RFX3: variants seen among roughly 807,000 people sequenced by gnomAD.
The protein encoded by RFX3 is transcription factor RFX3.
Under a neutral mutation model 98.6 loss-of-function variants are expected in RFX3, and 14 were observed. The observed-to-expected ratio is 0.14, with a 90% confidence interval of 0.09 to 0.22. The LOEUF is 0.22. Among genes scored for constraint, RFX3 ranks in the 10% least tolerant of loss-of-function variants. The pLI is 1.00. For synonymous variants in RFX3, 383 were observed against 328.4 expected (o/e 1.17, Z -1.80); for missense variants, 639 against 926.9 (o/e 0.69, Z 4.03).
At chr9:3,234,419 G>T (rs1354896936) in intron 15 of RFX3, among the ~76,000 whole-genome samples, 1 of 152,144 alleles carries the variant, frequency 6.6e-6, no homozygotes, top group East Asian at 1.9e-4. Context: ...TGTGCGTATT[G>T]CTTAAGCCCA....
intron 1 of RFX3, among the ~76,000 whole-genome samples, chr9:3,429,314 G>A (rs901192610): frequency 4.0e-5 from 6 of 150,708 alleles, no homozygotes; most frequent in East Asian, 1.9e-4. Context: ...GAGCCACCGC[G>A]CCCGGCCAAT....
intron 2 of RFX3, among the ~76,000 whole-genome samples, chr9:3,372,723 G>A (rs201734274): frequency 6.6e-6 from 1 of 151,632 alleles, no homozygotes; most frequent in African/African-American, 2.4e-5. Context: ...GCAGCTGGGA[G>A]TACAGGTGCC....
At chr9:3,258,932 A>G (rs1822500289) in intron 13 of RFX3, among the ~76,000 whole-genome samples, 1 of 151,868 alleles carries the variant, frequency 6.6e-6, no homozygotes, top group African/African-American at 2.4e-5. Flanking sequence ...TGTTTAAAAT[A>G]AAAGAGGATC....
At chr9:3,449,059 C>G (rs936034063) in intron 1 of RFX3, among the ~76,000 whole-genome samples, 5 of 152,210 alleles carry the variant, frequency 3.3e-5, no homozygotes, top group Admixed American at 2.6e-4. Context: ...TGCTATGTGA[C>G]TTGCAGCATG....
chr9:3,498,544 G>T (rs1014898327), intron 1 of RFX3, among the ~76,000 whole-genome samples: 1 of 151,992 alleles, frequency 6.6e-6, no homozygotes, highest in East Asian at 1.9e-4. Flanking sequence ...TTGATAAACT[G>T]TTTAAAAATA....
At chr9:3,469,929 G>A (rs1043449616) in intron 1 of RFX3, among the ~76,000 whole-genome samples, 4 of 151,496 alleles carry the variant, frequency 2.6e-5, no homozygotes, top group Non-Finnish European at 4.4e-5. Flanking sequence ...ACACCTAACC[G>A]ACAACTCCAA....
chr9:3,498,818 A>C (rs543498049), intron 1 of RFX3, among the ~76,000 whole-genome samples: 1 of 152,132 alleles, frequency 6.6e-6, no homozygotes, highest in African/African-American at 2.4e-5. Context: ...CGGCCTGGTC[A>C]CTCTTAGAAA....
chr9:3,393,706 T>C (rs1005964849), intron 2 of RFX3, among the ~76,000 whole-genome samples: 1 of 152,070 alleles, frequency 6.6e-6, no homozygotes, highest in Non-Finnish European at 1.5e-5. Flanking sequence ...ATTGTGAAGA[T>C]TCATTTTTAA....
At chr9:3,233,939 G>A (rs982292588) in intron 15 of RFX3, among the ~76,000 whole-genome samples, 4 of 152,056 alleles carry the variant, frequency 2.6e-5, no homozygotes, top group East Asian at 1.9e-4. Flanking sequence ...GAATCAGTCC[G>A]ACTCTACTAT....
intron 2 of RFX3, among the ~76,000 whole-genome samples, chr9:3,387,805 TTA>T (rs1839883815): frequency 6.6e-6 from 1 of 152,054 alleles, no homozygotes; most frequent in Non-Finnish European, 1.5e-5. Flanking sequence ...TTTCAGCTGA[TTA>T]TATGAAATAA....
At chr9:3,375,374 G>C (rs1316668406) in intron 2 of RFX3, among the ~76,000 whole-genome samples, 1 of 152,120 alleles carries the variant, frequency 6.6e-6, no homozygotes, top group African/African-American at 2.4e-5. Flanking sequence ...TAGCTTATTT[G>C]TCTTATCTAA....
intron 6 of RFX3, among the ~76,000 whole-genome samples, chr9:3,292,164 G>A (rs73381831): frequency 1.4e-3 from 188 of 135,508 alleles, no homozygotes; most frequent in African/African-American, 4.7e-3. Flanking sequence ...ACCTAATGTT[G>A]TATAGTACAG....
chr9:3,473,259 T>TG (rs1848941135), intron 1 of RFX3, among the ~76,000 whole-genome samples: 1 of 152,212 alleles, frequency 6.6e-6, no homozygotes, highest in South Asian at 2.1e-4. Context: ...GTTTTCTACT[T>TG]CAAGTATTAG....
intron 2 of RFX3, among the ~76,000 whole-genome samples, chr9:3,390,248 T>C (rs1411419053): frequency 2.0e-5 from 3 of 152,202 alleles, no homozygotes; most frequent in African/African-American, 7.2e-5. Flanking sequence ...AGTAAATTGG[T>C]ACCAGTAAAG....
chr9:3,306,751 A>C (rs886633809), intron 4 of RFX3, among the ~76,000 whole-genome samples: 6 of 151,998 alleles, frequency 3.9e-5, no homozygotes, highest in African/African-American at 1.5e-4. Context: ...AAAGTATAAT[A>C]ATAATTAAAA....
chr9:3,465,369 C>T (rs1050791507), intron 1 of RFX3, among the ~76,000 whole-genome samples: 2 of 151,992 alleles, frequency 1.3e-5, no homozygotes, highest in Admixed American at 6.6e-5. Context: ...CAGCTCACCA[C>T]AACCTCCACC....
intron 1 of RFX3, among the ~76,000 whole-genome samples, chr9:3,436,789 A>G (rs988194074): frequency 6.6e-6 from 1 of 152,050 alleles, no homozygotes; most frequent in African/African-American, 2.4e-5. Flanking sequence ...GGAAACGATC[A>G]CACCCAACTG....
At chr9:3,523,500 T>A (rs1187405949) in intron 1 of RFX3, among the ~76,000 whole-genome samples, 1 of 152,154 alleles carries the variant, frequency 6.6e-6, no homozygotes, top group African/African-American at 2.4e-5. Context: ...TGCTCTCAAA[T>A]CAACTTGTGA....
At position 3,270,081 on chromosome 9, in the gene RFX3, GGAAA is replaced by G. The variant is rs57222273; in HGVS notation, c.1357+286_1357+289del. The stretch of plus-strand genomic sequence containing the variant: ...AGAAAAAAGAAAGAAAGAGAAAGAA[GGAAA>G]GAAAGAAAGAAAGAAAGAAAGAAAG... On this transcript the variant is annotated intron_variant, in intron 11 of 16. Coordinates refer to ENST00000617270, the MANE Select transcript of RFX3 (RefSeq NM_001282116.2). Among the ~76,000 whole-genome samples the G allele has an allele frequency of 5.9e-3, 807 of 137,860 alleles. 8 individuals carry two copies. Among genetic ancestry groups the G allele is most frequent in the African/African-American group, 0.017 (586 of 33,810 alleles). The allele number at this position is 137,860 out of a possible 152,430, so 90.4% of individuals were successfully genotyped here. A position where few individuals can be genotyped will look rare whatever the true frequency, so the allele number is the denominator to read the frequency against.
Sources: gnomAD v4.1 joint callset for allele counts (sites outside exome capture counted in the v4.1 genomes callset) on GRCh38, gnomAD v4.1.1 for gene constraint, MANE v1.5 for transcripts, NCBI Gene and HGNC (gene_info 2026-07-23, HGNC 2026-07-21) for gene names.